SYBU: variants seen among roughly 807,000 people sequenced by gnomAD.
SYBU encodes the protein GOLSYN A protein.
Under a neutral mutation model 35.9 loss-of-function variants are expected in SYBU, and 21 were observed. The observed-to-expected ratio is 0.58, with a 90% CI of 0.41 to 0.84. The LOEUF (loss-of-function observed/expected upper bound fraction) is 0.84, where lower values mean the gene tolerates loss of function less well. Ranked by LOEUF, SYBU falls within the 40% of genes least tolerant of loss-of-function variation. The probability of loss-of-function intolerance (pLI) is 0.00; values close to 1 mark genes in which losing one functional copy is unlikely to be tolerated. For synonymous variants in SYBU, 319 were observed against 324.3 expected (o/e 0.98, Z 0.18); for missense variants, 768 against 848.2 (o/e 0.91, Z 1.17).
intron 3 of SYBU, among the ~76,000 whole-genome samples, chr8:109,601,198 A>C (rs1456561395): frequency 1.3e-5 from 2 of 152,142 alleles, no homozygotes; most frequent in African/African-American, 2.4e-5. Context: ...TATTTCCTTT[A>C]ATCCTTCCTC....
At chr8:109,671,035 A>G (rs1375125826) in intron 1 of SYBU, among the ~76,000 whole-genome samples, 1 of 152,186 alleles carries the variant, frequency 6.6e-6, no homozygotes, top group East Asian at 1.9e-4. Flanking sequence ...CAAATTATGT[A>G]TCTTCTAGAT....
chr8:109,632,794 G>A (rs1054751774), intron 2 of SYBU, among the ~76,000 whole-genome samples: 1 of 152,098 alleles, frequency 6.6e-6, no homozygotes, highest in Non-Finnish European at 1.5e-5. Context: ...ATAAATTATG[G>A]TCCTCTGTAG....
chr8:109,687,542 G>A (rs1817548351), intron 1 of SYBU, among the ~76,000 whole-genome samples: 1 of 152,132 alleles, frequency 6.6e-6, no homozygotes, highest in South Asian at 2.1e-4. Context: ...GGGAAAGCCT[G>A]TAAAACACTG....
chr8:109,656,861 A>G (rs1816374787), intron 1 of SYBU, among the ~76,000 whole-genome samples: 1 of 152,142 alleles, frequency 6.6e-6, no homozygotes, highest in Non-Finnish European at 1.5e-5. Flanking sequence ...CCCAAATACT[A>G]TTATTTATTT....
chr8:109,658,379 T>C (rs1816434286), intron 1 of SYBU, among the ~76,000 whole-genome samples: 2 of 152,234 alleles, frequency 1.3e-5, no homozygotes, highest in African/African-American at 4.8e-5. Flanking sequence ...AAGTTTCTTC[T>C]ACAAACTTCT....
At chr8:109,668,356 A>G (rs949356754) in intron 1 of SYBU, among the ~76,000 whole-genome samples, 2 of 152,162 alleles carry the variant, frequency 1.3e-5, no homozygotes, top group Non-Finnish European at 2.9e-5. Flanking sequence ...GATTCTAATT[A>G]TACACCAACA....
intron 3 of SYBU, among the ~76,000 whole-genome samples, chr8:109,598,651 T>C (rs1825161391): frequency 6.6e-6 from 1 of 152,248 alleles, no homozygotes; most frequent in Non-Finnish European, 1.5e-5. Flanking sequence ...TAAATTTTTC[T>C]AATAATTCTT....
chr8:109,672,601 T>C (rs545330463), intron 1 of SYBU, among the ~76,000 whole-genome samples: 12 of 152,316 alleles, frequency 7.9e-5, no homozygotes, highest in African/African-American at 2.4e-4. Flanking sequence ...CAAAACTAGA[T>C]GGCTGTTTGG....
At chr8:109,593,366 G>A (rs1824505568) in intron 3 of SYBU, among the ~76,000 whole-genome samples, 1 of 152,186 alleles carries the variant, frequency 6.6e-6, no homozygotes, top group Admixed American at 6.5e-5. Flanking sequence ...CACTCTGAGA[G>A]AAGAATTTAA....
At chr8:109,607,495 C>A (rs147271228) in intron 3 of SYBU, among the ~76,000 whole-genome samples, 1 of 152,084 alleles carries the variant, frequency 6.6e-6, no homozygotes, top group Non-Finnish European at 1.5e-5. Context: ...TGCCAATTAG[C>A]GTTAATTGTG....
Position 109,575,634 on chromosome 8 carries a change from C to T in SYBU, c.1264G>A (p.Gly422Arg), listed in dbSNP as rs1822182517. Residue 422 changes from glycine to arginine, a missense_variant, in exon 7 of 7, where the codon GGG (glycine) becomes AGG (arginine). Gly to Arg is a moderately radical substitution (Grantham distance 125). Transcript: ENST00000276646. ...AGTAGCTCCCTGTCAGCCCCTTCCC[C>T]CGTGACCTGCTCTTCCAGAGATAAC... ...DGLSLEEQVT[G>R]EGADRELLVG... 1.9e-6 allele frequency: 3 copies of T among 1,613,996 alleles called. No homozygotes were observed. The highest frequency in any genetic ancestry group is 2.5e-6 in the Non-Finnish European group (3 of 1,180,024).
chr8:109,687,888 T>A (rs113583283), intron 1 of SYBU, among the ~76,000 whole-genome samples: 1 of 152,230 alleles, frequency 6.6e-6, no homozygotes, highest in African/African-American at 2.4e-5. Flanking sequence ...TTAAATGGAC[T>A]GCTCTAACAA....
chr8:109,634,569 A>G (rs2130559968), intron 2 of SYBU, among the ~76,000 whole-genome samples: 1 of 152,354 alleles, frequency 6.6e-6, no homozygotes, highest in Non-Finnish European at 1.5e-5. Context: ...AGCAAATGCT[A>G]GGAGTGCAGG....
At chr8:109,628,625 G>A (rs1293458883) in intron 2 of SYBU, among the ~76,000 whole-genome samples, 2 of 152,098 alleles carry the variant, frequency 1.3e-5, no homozygotes, top group East Asian at 1.9e-4. Context: ...TAATAGGCAT[G>A]AGCGGCTGCA....
At chr8:109,635,304 T>C (rs553549019) in intron 2 of SYBU, among the ~76,000 whole-genome samples, 27 of 152,352 alleles carry the variant, frequency 1.8e-4, no homozygotes, top group African/African-American at 5.1e-4. Flanking sequence ...TTCTTGAAAC[T>C]CTTTTCCTTT....
rs960569395 is a variant in SYBU at position 109,584,654 on chromosome 8, CTT to C, written c.530+1404_530+1405del. On this transcript the variant is annotated intron_variant, in intron 4 of 6. Coordinates refer to ENST00000276646, the MANE Select transcript of SYBU (RefSeq NM_001099754.2). The surrounding 1 kb of genome is among the most constrained non-coding windows in gnomAD (Gnocchi z 4.0). ...GTGCTTTATTACTGCGGACTTCACT[CTT>C]TTGTTACAGGTTTGTCTGGCTTCAG... is the stretch of plus-strand genomic sequence containing the variant. Among the ~76,000 whole-genome samples the C allele has an allele frequency of 6.6e-5, 10 of 152,058 alleles. No individual in the cohort carries two copies. Among genetic ancestry groups the C allele is most frequent in the African/African-American group, 2.4e-4 (10 of 41,374 alleles).
At chr8:109,665,804 A>G (rs1214724470) in intron 1 of SYBU, among the ~76,000 whole-genome samples, 1 of 152,216 alleles carries the variant, frequency 6.6e-6, no homozygotes, top group Non-Finnish European at 1.5e-5. Context: ...ACTTCATCAC[A>G]TTTCTAAATA....
chr8:109,604,969 G>A (rs1825921315), intron 3 of SYBU, among the ~76,000 whole-genome samples: 1 of 152,160 alleles, frequency 6.6e-6, no homozygotes, highest in Admixed American at 6.5e-5. Flanking sequence ...AAACACTCAG[G>A]AAGATCCAGT....
intron 1 of SYBU, among the ~76,000 whole-genome samples, chr8:109,671,003 A>C (rs1816960141): frequency 6.6e-6 from 1 of 152,226 alleles, no homozygotes; most frequent in African/African-American, 2.4e-5. Context: ...GGTTCTTTTT[A>C]AAAGACAGAG....
Sources: gnomAD v4.1 joint callset for allele counts (sites outside exome capture counted in the v4.1 genomes callset) on GRCh38, gnomAD v4.1.1 for gene constraint, Gnocchi (gnomAD v3.1) non-coding constraint, MANE v1.5 for transcripts, NCBI Gene and HGNC (gene_info 2026-07-23, HGNC 2026-07-21) for gene names.